Variants in MYO18A observed in about 807,000 individuals in gnomAD.
MYO18A encodes the protein unconventional myosin-XVIIIa.
MYO18A carries 78 observed loss-of-function variants against 235.8 expected under a neutral mutation model. The ratio of observed to expected loss-of-function variants is 0.33; its 90% CI spans 0.28 to 0.40. MYO18A has a LOEUF of 0.40. Among genes scored for constraint, MYO18A ranks in the 10% least tolerant of loss-of-function variants. The pLI is 1.00. For missense variants in MYO18A, 2,215 were observed against 2,699.3 expected (o/e 0.82, Z 3.98); for synonymous variants, 977 against 1,077.8 (o/e 0.91, Z 1.83).
chr17:29,080,083 C>G, intron 41 of MYO18A: 1 of 985,966 alleles, frequency 1.0e-6, no homozygotes, highest in African/African-American at 1.7e-5. Flanking sequence ...GCTCTTCCGG[C>G]CGCTGCGGGA....
intron 41 of MYO18A, chr17:29,080,021 CGGAGCTGGAGCTGGAGCT>C: frequency 1.0e-6 from 1 of 986,096 alleles, no homozygotes; most frequent in East Asian, 1.1e-4. Flanking sequence ...GCTTCGGAGC[CGGAGCTGGAGCTGGAGCT>C]GGAGCTGCTC....
At chr17:29,124,540 C>T in intron 2 of MYO18A, 4 of 795,126 alleles carry the variant, frequency 5.0e-6, no homozygotes, top group Non-Finnish European at 6.7e-6. Flanking sequence ...GGAAAGAGGC[C>T]TTACACTCCA....
At chr17:29,090,197 GGGGA>G in intron 36 of MYO18A, 99 bp from the exon 37 acceptor site, 1 of 1,354,054 alleles carries the variant, frequency 7.4e-7, no homozygotes, top group Non-Finnish European at 1.0e-6. Context: ...CAGAAGGCAA[GGGGA>G]GGGAGGGATG....
chr17:29,138,069 G>A (rs893287793), intron 2 of MYO18A, among the ~76,000 whole-genome samples: 2 of 152,128 alleles, frequency 1.3e-5, no homozygotes, highest in African/African-American at 4.8e-5. Context: ...CCTCCACCAT[G>A]CCAGCAGAGC....
chr17:29,093,123 G>A (rs2066438778), intron 32 of MYO18A, 122 bp from the exon 33 acceptor site: 1 of 1,364,932 alleles, frequency 7.3e-7, no homozygotes, highest in Admixed American at 2.2e-5. Flanking sequence ...GGAAGAGCCA[G>A]GGTCATGCCA....
At chr17:29,170,921 T>C (rs903085508) in intron 1 of MYO18A, among the ~76,000 whole-genome samples, 1 of 152,234 alleles carries the variant, frequency 6.6e-6, no homozygotes, top group African/African-American at 2.4e-5. Flanking sequence ...ACAATGGGGA[T>C]GGACTTCAAA....
intron 14 of MYO18A, among the ~76,000 whole-genome samples, chr17:29,114,570 G>A (rs532697044): frequency 6.6e-6 from 1 of 152,342 alleles, no homozygotes; most frequent in South Asian, 2.1e-4. Flanking sequence ...ACAGATCAGG[G>A]AAGGGAGACG....
rs564912095 is a variant in MYO18A at position 29,074,805 on chromosome 17, C to T, written c.6130G>A (p.Asp2044Asn). 3.3e-5 allele frequency: 54 copies of T among 1,613,954 alleles called. No individual in the cohort carries two copies. The highest frequency in any genetic ancestry group is 1.6e-4 in the East Asian group (7 of 44,868). The change falls in exon 42 of 42, where the codon GAC becomes AAC. Residue 2044 changes from aspartate to asparagine, a missense_variant. Transcript: ENST00000527372. The surrounding 1 kb of genome is among the most constrained non-coding windows in gnomAD (Gnocchi z 4.4). ...GTCTCCGTCAGCTTGGCCTCTGTGT[C>T]GCTGTCACTCAGATAACTGTGGGAG... ...RYSHSYLSDS[D>N]TEAKLTETNA
chr17:29,133,823 G>A, intron 2 of MYO18A: 3 of 1,289,382 alleles, frequency 2.3e-6, no homozygotes, highest in African/African-American at 3.0e-5. Context: ...GGCGAACCTT[G>A]ATGAAAAGGC....
chr17:29,179,001 A>G (rs1420556285), intron 1 of MYO18A, among the ~76,000 whole-genome samples: 2 of 152,234 alleles, frequency 1.3e-5, no homozygotes, highest in African/African-American at 2.4e-5. Context: ...CAGGGGCTCC[A>G]AAAGACAAGA....
At chr17:29,164,860 G>C (rs186806927) in intron 2 of MYO18A, among the ~76,000 whole-genome samples, 3 of 151,780 alleles carry the variant, frequency 2.0e-5, no homozygotes, top group Non-Finnish European at 4.4e-5. Context: ...CTTTTTGCGC[G>C]GGCAGCTGGG....
chr17:29,089,899 C>T lies in MYO18A; in HGVS notation c.5526+62G>A, dbSNP rs935195320. 60 of 1,601,278 alleles carry T rather than the reference C, an allele frequency of 3.7e-5. 1 individual carries two copies. In the East Asian group the frequency reaches 4.9e-4, roughly 13 times the overall value. On this transcript the variant is annotated intron_variant, in intron 37 of 41. Coordinates refer to ENST00000527372, the MANE Select transcript of MYO18A (RefSeq NM_078471.4). ...CCTGTCCAGCCCTGCTGAGCATGCG[C>T]GGCTCCAGCGCTGGGGCAGCTCTGC...
At chr17:29,115,254 T>C in intron 13 of MYO18A, 97 bp downstream of exon 13, 1 of 1,476,652 alleles carries the variant, frequency 6.8e-7, no homozygotes, top group African/African-American at 1.4e-5. Context: ...GAGCCCCTGC[T>C]GGAAGAGACC....
chr17:29,163,627 C>T (rs56334637), intron 2 of MYO18A, among the ~76,000 whole-genome samples: 39,539 of 152,120 alleles, frequency 0.26, 5,566 homozygotes, highest in East Asian at 0.57. Context: ...CATCTACTTC[C>T]CCAGGGATGG....
chr17:29,159,940 G>A (rs149939732), intron 2 of MYO18A, among the ~76,000 whole-genome samples: 1 of 152,214 alleles, frequency 6.6e-6, no homozygotes, highest in East Asian at 1.9e-4. Context: ...CACCCAGAAG[G>A]CCATCTCTCC....
chr17:29,085,435 C>T (rs604513), intron 40 of MYO18A, among the ~76,000 whole-genome samples, 169 bp downstream of exon 40: 2 of 152,216 alleles, frequency 1.3e-5, no homozygotes, highest in African/African-American at 2.4e-5. Context: ...CCGCTCCCTG[C>T]CTCCCCCGAG....
At chr17:29,104,472 G>A (rs879667593) in intron 20 of MYO18A, among the ~76,000 whole-genome samples, 2 of 152,162 alleles carry the variant, frequency 1.3e-5, no homozygotes, top group Non-Finnish European at 2.9e-5. Flanking sequence ...GAAAGAGGCG[G>A]CTTGTGGGGA....
At position 29,111,676 on chromosome 17, in the gene MYO18A, T is replaced by C; in HGVS notation, c.2740+46A>G. The C allele has an allele frequency of 6.2e-7, 1 of 1,612,246 alleles. No homozygotes were observed. Among genetic ancestry groups the C allele is most frequent in the Non-Finnish European group, 8.5e-7 (1 of 1,179,044 alleles). On this transcript the variant is annotated intron_variant, in intron 16 of 41. Coordinates refer to ENST00000527372, the MANE Select transcript of MYO18A (RefSeq NM_078471.4). This position sits in a 1 kb window ranked among gnomAD's most constrained non-coding sequence, Gnocchi z 5.1. The stretch of plus-strand genomic sequence containing the variant: ...AGGGAGTGCCACCTGGACCCACCTG[T>C]ATGTAAGAGGAAGCAGAGGAGCTAC...
Position 29,166,789 on chromosome 17 carries a change from G to T in MYO18A, c.152C>A (p.Ser51Tyr), listed in dbSNP as rs2068295164. ...LRRGFFNLNR[S>Y]SKRESKTRLE... is the part of the protein sequence containing the mutation. ...GCGCGTCTTGGATTCACGCTTGGAG[G>T]AGCGGTTCAGGTTGAAGAAGCCACG... is the stretch of plus-strand genomic sequence containing the variant. The change falls in exon 2 of 42, where the codon TCC becomes TAC. Residue 51 changes from serine to tyrosine, a missense_variant. Physicochemically the swap from Ser to Tyr is moderately radical, Grantham distance 144. Transcript: ENST00000527372. 2.5e-6 allele frequency: 4 copies of T among 1,611,210 alleles called. No individual in the cohort carries two copies. The highest frequency in any genetic ancestry group is 3.4e-6 in the Non-Finnish European group (4 of 1,178,774).
Sources: allele counts gnomAD v4.1 joint callset (sites outside exome capture counted in the v4.1 genomes callset), GRCh38; gene constraint gnomAD v4.1.1; non-coding constraint Gnocchi (gnomAD v3.1); transcripts MANE v1.5; gene names NCBI Gene and HGNC (gene_info 2026-07-23, HGNC 2026-07-21).